Variants in NDRG2 observed in about 807,000 individuals in gnomAD.
NDRG2 encodes the protein protein NDRG2.
A neutral mutation model predicts 58.2 loss-of-function variants in NDRG2; 34 were observed. That is an observed-to-expected ratio of 0.58 (90% CI 0.44 to 0.78). The LOEUF is 0.78. Among genes scored for constraint, NDRG2 ranks in the 30% least tolerant of loss-of-function variants. NDRG2 has a pLI of 0.00. For synonymous variants in NDRG2, 187 were observed against 175.9 expected (o/e 1.06, Z -0.50); for missense variants, 434 against 471.2 (o/e 0.92, Z 0.73).
intron 6 of NDRG2, chr14:21,021,096 A>G: frequency 4.8e-6 from 3 of 626,038 alleles, no homozygotes; most frequent in South Asian, 4.5e-5. Flanking sequence ...ACAAACACCC[A>G]TCCACCAGCC....
intron 1 of NDRG2, among the ~76,000 whole-genome samples, chr14:21,047,674 G>A (rs1885254462): frequency 6.6e-6 from 1 of 152,170 alleles, no homozygotes; most frequent in South Asian, 2.1e-4. Flanking sequence ...TGGTGTCCAG[G>A]GGAGCTTTGC....
chr14:21,058,790 T>G lies in NDRG2; in HGVS notation c.24+12038A>C, dbSNP rs149308759. On this transcript the variant is annotated intron_variant, in intron 1 of 14. Transcript: ENST00000403829. ...AAGGAAGGAAGGGGAATCTCTGCTGTGTTCCCTGTGTTGGGCAAAGAAATG... is the reference window on the plus strand; with the variant it reads ...AAGGAAGGAAGGGGAATCTCTGCTGGGTTCCCTGTGTTGGGCAAAGAAATG... 5.9e-3 allele frequency among the ~76,000 whole-genome samples: 901 copies of G among 152,370 alleles called. 17 individuals carry two copies. Among genetic ancestry groups the G allele is most frequent in the African/African-American group, 0.021 (857 of 41,590 alleles).
chr14:21,020,776 T>C lies in NDRG2; in HGVS notation c.468+8A>G, dbSNP rs1220667115. The C allele has an allele frequency of 6.2e-7, 1 of 1,614,056 alleles. No homozygotes were observed. Among genetic ancestry groups the C allele is most frequent in the Non-Finnish European group, 8.5e-7 (1 of 1,180,022 alleles). ...TCCTTTCCCTCCTCTGGGCTTTTTATTTCTTACAGCATATCTCGCCAGGAT... is the reference window on the plus strand; with the variant it reads ...TCCTTTCCCTCCTCTGGGCTTTTTACTTCTTACAGCATATCTCGCCAGGAT... On this transcript the variant is annotated splice_region_variant and intron_variant, in intron 7 of 15. Coordinates refer to ENST00000556147, the MANE Select transcript of NDRG2 (RefSeq NM_001320329.2).
intron 4 of NDRG2, 30 bp from the exon 5 acceptor site, chr14:21,022,212 A>G (rs769660796): frequency 1.9e-6 from 3 of 1,613,970 alleles, no homozygotes; most frequent in Non-Finnish European, 2.5e-6. Context: ...CCTCAACAAT[A>G]GAATCAGACA....
chr14:21,068,933 CG>C (rs1886450915), intron 1 of NDRG2, among the ~76,000 whole-genome samples: 1 of 152,270 alleles, frequency 6.6e-6, no homozygotes, highest in African/African-American at 2.4e-5. Context: ...GCGGCACCCC[CG>C]CCTCCCCTCC....
intron 1 of NDRG2, among the ~76,000 whole-genome samples, chr14:21,038,314 CA>C (rs1413768504): frequency 6.6e-6 from 1 of 152,250 alleles, no homozygotes; most frequent in East Asian, 1.9e-4. Flanking sequence ...GTGAAATGTG[CA>C]AAAGAAATGT....
chr14:21,038,818 G>T (rs992949422), intron 1 of NDRG2, among the ~76,000 whole-genome samples: 1 of 152,092 alleles, frequency 6.6e-6, no homozygotes, highest in African/African-American at 2.4e-5. Context: ...TTGTCTAAAC[G>T]CATTGGTCTG....
At chr14:21,031,023 C>T in intron 1 of NDRG2, 2 of 1,609,512 alleles carry the variant, frequency 1.2e-6, no homozygotes, top group Non-Finnish European at 1.7e-6. Flanking sequence ...GCCAAGAACG[C>T]CCGAACCATC....
chr14:21,056,613 A>G (rs542289685), intron 1 of NDRG2, among the ~76,000 whole-genome samples: 22 of 152,322 alleles, frequency 1.4e-4, no homozygotes, highest in African/African-American at 5.1e-4. Context: ...GTCTGAAGAA[A>G]TTAAGGCAAT....
At chr14:21,049,367 A>C (rs1885361046) in intron 1 of NDRG2, among the ~76,000 whole-genome samples, 1 of 152,222 alleles carries the variant, frequency 6.6e-6, no homozygotes, top group Non-Finnish European at 1.5e-5. Flanking sequence ...TGGTTATAGC[A>C]GAAAAACATT....
intron 1 of NDRG2, among the ~76,000 whole-genome samples, chr14:21,041,589 AC>A (rs145244439): frequency 5.5e-4 from 84 of 152,282 alleles, no homozygotes; most frequent in African/African-American, 1.9e-3. Context: ...TGTAACCACC[AC>A]AAGGAACAGG....
chr14:21,051,434 A>C (rs1452904941), intron 1 of NDRG2, among the ~76,000 whole-genome samples: 1 of 152,132 alleles, frequency 6.6e-6, no homozygotes, highest in Non-Finnish European at 1.5e-5. Flanking sequence ...GGTAAGTCAG[A>C]GGTCTCAGGA....
intron 2 of NDRG2, 54 bp from the exon 3 acceptor site, chr14:21,022,959 G>A: frequency 6.3e-7 from 1 of 1,597,714 alleles, no homozygotes; most frequent in Non-Finnish European, 8.6e-7. Context: ...TGGCGTCCCA[G>A]ATGGAGAGAC....
At chr14:21,026,684 A>T (rs1363199293), upstream of NDRG2, among the ~76,000 whole-genome samples, 1 of 151,900 alleles carries the variant, frequency 6.6e-6, no homozygotes, top group African/African-American at 2.4e-5. Flanking sequence ...AAATCTAAGG[A>T]GCTCCCCCTA....
chr14:21,034,329 G>T, intron 1 of NDRG2: 1 of 1,480,692 alleles, frequency 6.8e-7, no homozygotes. Context: ...GGGCAGCAGT[G>T]GGCCTGAAGT....
At chr14:21,033,610 AG>A in intron 1 of NDRG2, 1 of 594,478 alleles carries the variant, frequency 1.7e-6, no homozygotes, top group Non-Finnish European at 3.0e-6. Context: ...GGGGGCGAAG[AG>A]GGGGTAAACA....
intron 1 of NDRG2, among the ~76,000 whole-genome samples, chr14:21,040,534 A>G (rs1884840594): frequency 6.6e-6 from 1 of 152,198 alleles, no homozygotes; most frequent in African/African-American, 2.4e-5. Context: ...TTCTTTATTC[A>G]TCTACTTAGA....
Position 21,060,798 on chromosome 14 carries a change from A to G in NDRG2, c.24+10030T>C, listed in dbSNP as rs541743604. Among the ~76,000 whole-genome samples, 232 of 152,334 alleles carry G rather than the reference A, an allele frequency of 1.5e-3. 2 individuals carry two copies. The highest frequency in any genetic ancestry group is 5.4e-3 in the African/African-American group (224 of 41,572). ...GTGGAAACATCATACTCGATCATTCAAAGTCCTAATCTAAGACACACCTGT... is the reference window on the plus strand; with the variant it reads ...GTGGAAACATCATACTCGATCATTCGAAGTCCTAATCTAAGACACACCTGT... On this transcript the variant is annotated intron_variant, in intron 1 of 14. Coordinates refer to the NDRG2 transcript ENST00000403829.
chr14:21,069,139 C>T (rs1050324932), intron 1 of NDRG2, among the ~76,000 whole-genome samples: 1 of 152,242 alleles, frequency 6.6e-6, no homozygotes, highest in Admixed American at 6.5e-5. Context: ...CGGGGCTTCC[C>T]GGTGCCTGCT....
Sources: allele counts gnomAD v4.1 joint callset (sites outside exome capture counted in the v4.1 genomes callset), GRCh38; gene constraint gnomAD v4.1.1; transcripts MANE v1.5; gene names NCBI Gene and HGNC (gene_info 2026-07-23, HGNC 2026-07-21).